The following KLHL32 variants were observed in gnomAD, a reference collection of about 807,000 sequenced individuals.
The protein encoded by KLHL32 is kelch-like protein 32.
Under a neutral mutation model 64.8 loss-of-function variants are expected in KLHL32, and 35 were observed. That is an observed-to-expected ratio of 0.54 (90% confidence interval 0.41 to 0.72). KLHL32 has a LOEUF of 0.72. KLHL32 is among the 30% of genes least tolerant of loss of function. The probability of loss-of-function intolerance (pLI) is 0.00; values close to 1 mark genes in which losing one functional copy is unlikely to be tolerated. For missense variants in KLHL32, 589 were observed against 768.5 expected (o/e 0.77, Z 2.76); for synonymous variants, 259 against 281.0 (o/e 0.92, Z 0.78).
chr6:96,968,068 A>T (rs1467333795), intron 2 of KLHL32, among the ~76,000 whole-genome samples: 1 of 152,204 alleles, frequency 6.6e-6, no homozygotes, highest in East Asian at 1.9e-4. Context: ...AAGTAATGAG[A>T]CCAGCTTCTT....
intron 10 of KLHL32, among the ~76,000 whole-genome samples, chr6:97,137,910 C>G (rs1206145): frequency 0.55 from 84,165 of 151,956 alleles, 24,427 homozygotes; most frequent in African/African-American, 0.73. Context: ...ATTAAAGACG[C>G]GTACAAAGAG....
chr6:96,914,580 G>A, the KLHL32 span: 1 of 152,200 alleles, frequency 6.6e-6, no homozygotes. Flanking sequence ...GGAGAAGGGG[G>A]TTTAGCTGGG....
At chr6:96,963,054 T>C (rs1208479389) in intron 1 of KLHL32, among the ~76,000 whole-genome samples, 1 of 152,168 alleles carries the variant, frequency 6.6e-6, no homozygotes, top group African/African-American at 2.4e-5. Context: ...AAAATCTTTT[T>C]TCCTCTATCT....
intron 1 of KLHL32, among the ~76,000 whole-genome samples, chr6:96,926,261 C>A (rs1039972263): frequency 1.3e-5 from 2 of 152,124 alleles, no homozygotes; most frequent in African/African-American, 4.8e-5. Flanking sequence ...GGAAATAAGT[C>A]AAATTCTTCT....
chr6:97,068,906 A>G (rs1446444064), intron 5 of KLHL32, among the ~76,000 whole-genome samples: 1 of 152,198 alleles, frequency 6.6e-6, no homozygotes, highest in Admixed American at 6.5e-5. Context: ...ATTAAGCGGC[A>G]TTAGTTTAGC....
chr6:97,121,460 CACAT>C (rs1798358772), intron 7 of KLHL32, among the ~76,000 whole-genome samples: 1 of 152,042 alleles, frequency 6.6e-6, no homozygotes, highest in Non-Finnish European at 1.5e-5. Flanking sequence ...TGAGAAGAGA[CACAT>C]AATGTCTTTC....
At chr6:97,085,895 A>G (rs1793339351) in intron 6 of KLHL32, among the ~76,000 whole-genome samples, 2 of 152,172 alleles carry the variant, frequency 1.3e-5, no homozygotes, top group Admixed American at 1.3e-4. Flanking sequence ...TTCGCCTGAC[A>G]TAGCATTCTT....
In KLHL32 at chr6:96,976,026, T is replaced by C. The variant is rs952472862; in HGVS notation, c.53T>C (p.Leu18Pro). The stretch of plus-strand genomic sequence containing the variant: ...CAAGAAATGCTGACAGGCCAGAGGC[T>C]CTGCCACTCCGAATCTCACAATGAC... ...SIQEMLTGQRLCHSESHNDSV... is the reference protein window; with the variant it reads ...SIQEMLTGQRPCHSESHNDSV... Residue 18 changes from leucine (L) to proline (P), a missense_variant, in exon 3 of 11, where the codon CTC becomes CCC. Physicochemically the swap from Leu to Pro is moderately conservative, Grantham distance 98 (BLOSUM62 -3). Transcript: ENST00000369261. 2 of 1,592,242 alleles carry C rather than the reference T, an allele frequency of 1.3e-6. No homozygotes were observed. The highest frequency in any genetic ancestry group is 1.3e-5 in the African/African-American group (1 of 74,414).
chr6:96,939,863 C>T (rs1282116960), intron 1 of KLHL32, among the ~76,000 whole-genome samples: 1 of 152,014 alleles, frequency 6.6e-6, no homozygotes, highest in Non-Finnish European at 1.5e-5. Context: ...CACTGGAGTC[C>T]ATTGATCTGG....
At chr6:97,106,618 C>T (rs1174459131) in intron 6 of KLHL32, among the ~76,000 whole-genome samples, 1 of 151,982 alleles carries the variant, frequency 6.6e-6, no homozygotes, top group Non-Finnish European at 1.5e-5. Context: ...ATGGCGCACG[C>T]TTGTAATCCC....
chr6:97,123,501 G>A (rs1222388326), intron 7 of KLHL32, among the ~76,000 whole-genome samples: 1 of 152,136 alleles, frequency 6.6e-6, no homozygotes, highest in African/African-American at 2.4e-5. Context: ...GGACCTTGCA[G>A]TATATCTTTA....
At chr6:96,971,769 CAT>C (rs1775137937) in intron 2 of KLHL32, among the ~76,000 whole-genome samples, 1 of 152,110 alleles carries the variant, frequency 6.6e-6, no homozygotes, top group Admixed American at 6.6e-5. Context: ...CCTGGGAACT[CAT>C]AGAGTATCCA....
chr6:97,079,959 T>TA (rs1014638732), intron 5 of KLHL32, among the ~76,000 whole-genome samples: 1 of 152,202 alleles, frequency 6.6e-6, no homozygotes, highest in African/African-American at 2.4e-5. Flanking sequence ...CCTGGATACT[T>TA]ACATTTTTAA....
intron 1 of KLHL32, among the ~76,000 whole-genome samples, chr6:96,956,634 G>A (rs974202297): frequency 1.3e-5 from 2 of 152,190 alleles, no homozygotes; most frequent in African/African-American, 4.8e-5. Flanking sequence ...GCAGCAGAAT[G>A]TAAGAGCTGG....
intron 1 of KLHL32, among the ~76,000 whole-genome samples, chr6:96,965,181 C>CT (rs1774319670): frequency 6.6e-6 from 1 of 152,158 alleles, no homozygotes; most frequent in African/African-American, 2.4e-5. Flanking sequence ...AGATTTTCTT[C>CT]TTTTTTACAG....
At chr6:96,934,718 A>G (rs1319298909) in intron 1 of KLHL32, among the ~76,000 whole-genome samples, 1 of 152,260 alleles carries the variant, frequency 6.6e-6, no homozygotes, top group Middle Eastern at 3.2e-3. Flanking sequence ...GATTAATAAC[A>G]TACATTTCTG....
intron 4 of KLHL32, among the ~76,000 whole-genome samples, chr6:97,051,791 A>G (rs571343372): frequency 6.6e-6 from 1 of 152,186 alleles, no homozygotes; most frequent in African/African-American, 2.4e-5. Context: ...CTTAAATTTC[A>G]TAAGAAGATA....
intron 1 of KLHL32, among the ~76,000 whole-genome samples, chr6:96,953,811 C>T (rs1391495238): frequency 6.7e-6 from 1 of 148,282 alleles, no homozygotes; most frequent in Non-Finnish European, 1.5e-5. Flanking sequence ...ACCATGATTA[C>T]TTTTCCTTTC....
chr6:97,096,470 C>G (rs2128190970), intron 6 of KLHL32, among the ~76,000 whole-genome samples: 1 of 152,338 alleles, frequency 6.6e-6, no homozygotes. Context: ...CCATTCATCA[C>G]TAAACTTTTT....
Sources: gnomAD v4.1 joint callset for allele counts (sites outside exome capture counted in the v4.1 genomes callset) on GRCh38, gnomAD v4.1.1 for gene constraint, MANE v1.5 for transcripts, NCBI Gene and HGNC (gene_info 2026-07-23, HGNC 2026-07-21) for gene names.